Variants in GPR39 observed in about 807,000 individuals in gnomAD.
GPR39 encodes the protein zinc sensing receptor.
GPR39 carries 23 observed loss-of-function variants against 18.4 expected under a neutral mutation model. That is an observed-to-expected ratio of 1.25 (90% CI 0.90 to 1.77). The LOEUF is 1.77. Ranked by LOEUF, GPR39 falls within the 40% of genes most tolerant of loss-of-function variation. The pLI is 0.00. For missense variants in GPR39, 647 were observed against 602.4 expected (o/e 1.07, Z -0.78); for synonymous variants, 280 against 257.9 (o/e 1.09, Z -0.82).
intron 1 of GPR39, among the ~76,000 whole-genome samples, chr2:132,424,851 C>T (rs942490204): frequency 6.6e-6 from 1 of 152,194 alleles, no homozygotes; most frequent in African/African-American, 2.4e-5. Flanking sequence ...GGTGAGTTCT[C>T]CTTTCCATTA....
intron 1 of GPR39, among the ~76,000 whole-genome samples, chr2:132,538,714 T>C (rs1235763287): frequency 6.6e-6 from 1 of 152,178 alleles, no homozygotes; most frequent in Non-Finnish European, 1.5e-5. Flanking sequence ...GAATTCTGTC[T>C]GTAAGCCCCT....
chr2:132,511,094 T>A (rs1679233322), intron 1 of GPR39, among the ~76,000 whole-genome samples: 1 of 152,222 alleles, frequency 6.6e-6, no homozygotes, highest in African/African-American at 2.4e-5. Flanking sequence ...ATATAAAAGT[T>A]AATGAGTTTC....
chr2:132,628,660 C>T (rs760226870), intron 1 of GPR39, among the ~76,000 whole-genome samples: 1 of 152,152 alleles, frequency 6.6e-6, no homozygotes, highest in Non-Finnish European at 1.5e-5. Flanking sequence ...CCCTAGAAAA[C>T]CATTTTCTAA....
intron 1 of GPR39, among the ~76,000 whole-genome samples, chr2:132,518,765 A>G (rs1679375713): frequency 1.3e-5 from 2 of 152,272 alleles, no homozygotes; most frequent in African/African-American, 2.4e-5. Context: ...ACTCAATGCA[A>G]TGTATCCAAA....
At position 132,434,274 on chromosome 2, in the gene GPR39, C is replaced by T. The variant is rs77672953; in HGVS notation, c.856+16376C>T. The stretch of plus-strand genomic sequence containing the variant: ...ATGCTGTTGGGTTTATAATCAGGAA[C>T]TCCTTTATTTATAAAGCTGCTAACT... On this transcript the variant is annotated intron_variant, in intron 1 of 1. Transcript: ENST00000329321. Among the ~76,000 whole-genome samples, 130 of 152,248 alleles carry T rather than the reference C, an allele frequency of 8.5e-4. 2 individuals are homozygous for T. In the East Asian group the frequency reaches 0.025, roughly 29 times the overall value.
At chr2:132,497,962 G>A (rs1681679142) in intron 1 of GPR39, among the ~76,000 whole-genome samples, 1 of 152,096 alleles carries the variant, frequency 6.6e-6, no homozygotes, top group Admixed American at 6.6e-5. Context: ...CCTGTAAAAG[G>A]CTCCAATCTG....
intron 1 of GPR39, among the ~76,000 whole-genome samples, chr2:132,456,257 T>G (rs920995971): frequency 4.6e-5 from 7 of 152,296 alleles, no homozygotes; most frequent in Admixed American, 3.3e-4. Flanking sequence ...TTTTGATCTT[T>G]GTTGGTTTAA....
chr2:132,645,989 G>C lies in GPR39; in HGVS notation c.*383G>C, dbSNP rs921905511. 1 of 1,336,198 alleles carries C rather than the reference G, an allele frequency of 7.5e-7. No homozygotes were observed. The highest frequency in any genetic ancestry group is 1.5e-5 in the African/African-American group (1 of 67,418). 82.8% of individuals were successfully genotyped at this position (1,336,198 alleles called of 1,614,324 possible). ...AAGAAACTCACTCAGGGAGGTGGGG[G>C]GTTGGGGGCGAGGGCTGGAAGAACA... On this transcript the variant is annotated 3_prime_UTR_variant, in exon 2 of 2. Coordinates refer to ENST00000329321, the MANE Select transcript of GPR39 (RefSeq NM_001508.3).
At chr2:132,560,957 G>C (rs1254064864) in intron 1 of GPR39, among the ~76,000 whole-genome samples, 5 of 122,338 alleles carry the variant, frequency 4.1e-5, no homozygotes, top group Non-Finnish European at 7.9e-5. Flanking sequence ...TGTTGCCCAG[G>C]CTGGAGTGTG....
chr2:132,569,635 G>C (rs977997544), intron 1 of GPR39, among the ~76,000 whole-genome samples: 1 of 151,138 alleles, frequency 6.6e-6, no homozygotes, highest in African/African-American at 2.4e-5. Flanking sequence ...CAGTGGGGGT[G>C]GGGGGGGTCC....
At chr2:132,615,776 T>G (rs1282386106) in intron 1 of GPR39, among the ~76,000 whole-genome samples, 1 of 152,186 alleles carries the variant, frequency 6.6e-6, no homozygotes, top group African/African-American at 2.4e-5. Context: ...TGTTTTGATG[T>G]GGGCCAAGAC....
At chr2:132,532,601 A>G (rs1364211536) in intron 1 of GPR39, among the ~76,000 whole-genome samples, 1 of 152,218 alleles carries the variant, frequency 6.6e-6, no homozygotes, top group East Asian at 1.9e-4. Flanking sequence ...CCTCAATAAA[A>G]TACTGGCAAA....
intron 1 of GPR39, among the ~76,000 whole-genome samples, chr2:132,544,052 G>A (rs375073979): frequency 2.8e-4 from 42 of 152,276 alleles, no homozygotes; most frequent in East Asian, 7.7e-4. Flanking sequence ...GAGTTCAGTC[G>A]TCAGTTTCCC....
intron 1 of GPR39, among the ~76,000 whole-genome samples, chr2:132,523,218 G>A (rs1679454205): frequency 6.6e-6 from 1 of 152,124 alleles, no homozygotes; most frequent in African/African-American, 2.4e-5. Flanking sequence ...TAAACATTAA[G>A]AACTAAGAAC....
chr2:132,576,809 T>A (rs1030537116), intron 1 of GPR39, among the ~76,000 whole-genome samples: 2 of 152,182 alleles, frequency 1.3e-5, no homozygotes, highest in African/African-American at 4.8e-5. Context: ...TAGGCCAAGG[T>A]TTTTGTTGTT....
chr2:132,623,398 G>A (rs573507786), intron 1 of GPR39, among the ~76,000 whole-genome samples: 2 of 152,344 alleles, frequency 1.3e-5, no homozygotes, highest in Admixed American at 1.3e-4. Context: ...GGCGCCTGAA[G>A]GGAAGGAGAG....
At chr2:132,482,676 TG>T in intron 1 of GPR39, among the ~76,000 whole-genome samples, 1 of 152,324 alleles carries the variant, frequency 6.6e-6, no homozygotes, top group African/African-American at 2.4e-5. Flanking sequence ...ACAAAATCTT[TG>T]GAAACACAAA....
At chr2:132,492,528 CATATATAT>C in intron 1 of GPR39, among the ~76,000 whole-genome samples, 1 of 129,192 alleles carries the variant, frequency 7.7e-6, no homozygotes, top group East Asian at 2.4e-4. Context: ...ATATATACAC[CATATATAT>C]ACACCATATA....
chr2:132,645,020 T>C (rs1212161952), intron 1 of GPR39, 81 bp from the exon 2 acceptor site: 2 of 1,481,128 alleles, frequency 1.4e-6, no homozygotes, highest in Non-Finnish European at 1.8e-6. Flanking sequence ...GGCTAAATAT[T>C]TTATGGTTTT....
Sources: allele counts gnomAD v4.1 joint callset (sites outside exome capture counted in the v4.1 genomes callset), GRCh38; gene constraint gnomAD v4.1.1; transcripts MANE v1.5; gene names NCBI Gene and HGNC (gene_info 2026-07-23, HGNC 2026-07-21).